EPX: variants seen among roughly 807,000 people sequenced by gnomAD.
EPX encodes the protein eosinophil peroxidase.
EPX carries 60 observed loss-of-function variants against 73.0 expected under a neutral mutation model. That is an observed-to-expected ratio of 0.82 (90% confidence interval 0.67 to 1.02). The LOEUF (loss-of-function observed/expected upper bound fraction) is 1.02, where lower values mean the gene tolerates loss of function less well. Among genes scored for constraint, EPX ranks in the 50% least tolerant of loss-of-function variants. The probability of loss-of-function intolerance (pLI) is 0.00; values close to 1 mark genes in which losing one functional copy is unlikely to be tolerated. For missense variants in EPX, 950 were observed against 973.9 expected (o/e 0.98, Z 0.33); for synonymous variants, 347 against 389.2 (o/e 0.89, Z 1.28).
chr17:58,193,472 A>G lies in EPX; in HGVS notation c.272A>G (p.Asp91Gly), dbSNP rs760826237. 1.6e-5 allele frequency: 26 copies of G among 1,614,054 alleles called. No homozygotes were observed. The East Asian group carries it at 4.9e-4, about 30-fold the overall frequency. Residue 91 changes from aspartate (D) to glycine (G), a missense_variant, in exon 3 of 13, where the codon GAT (aspartate) becomes GGT (glycine). Transcript: ENST00000225371. ...AATRTVVRAADYMHVALGLLE... is the reference protein window; with the variant it reads ...AATRTVVRAAGYMHVALGLLE... ...ACCAGGACAGTTGTTCGGGCCGCAG[A>G]TTATATGCATGTGGCTTTGGGGCTG...
At position 58,196,880 on chromosome 17, in the gene EPX, G is replaced by A. The variant is rs951502004; in HGVS notation, c.802-59G>A. The stretch of plus-strand genomic sequence containing the variant: ...GGTTTTGAGGAGGTGGAAGATGACG[G>A]AGAGGAGTGAGTCTGCTATTGAGGG... On this transcript the variant is annotated intron_variant, in intron 6 of 12. Coordinates refer to ENST00000225371, the MANE Select transcript of EPX (RefSeq NM_000502.6). 21 of 1,307,246 alleles carry A rather than the reference G, an allele frequency of 1.6e-5. No individual in the cohort carries two copies. In the African/African-American group the frequency reaches 2.6e-4, roughly 16 times the overall value. The allele number at this position is 1,307,246 out of a possible 1,614,324, so 81.0% of individuals were successfully genotyped here. A position where few individuals can be genotyped will look rare whatever the true frequency, so the allele number is the denominator to read the frequency against.
chr17:58,202,732 G>T, intron 10 of EPX: 1 of 314,796 alleles, frequency 3.2e-6, no homozygotes, highest in South Asian at 3.5e-5. Context: ...CTGATGGAGA[G>T]TCTTTTATAT....
chr17:58,203,273 C>G lies in EPX; in HGVS notation c.1901C>G (p.Ala634Gly). Residue 634 changes from alanine (A) to glycine (G), a missense_variant, in exon 11 of 13, where the codon GCT (alanine) becomes GGT (glycine). Physicochemically the swap from Ala to Gly is moderately conservative, Grantham distance 60. Coordinates refer to ENST00000225371, the MANE Select transcript of EPX (RefSeq NM_000502.6). Reference sequence around the variant, plus strand: ...GGGGCTCGAGTGGGGCCTCTTCTGGCTTGTCTGTTCGAGAACCAGTTCAGA... The same window carrying G: ...GGGGCTCGAGTGGGGCCTCTTCTGGGTTGTCTGTTCGAGAACCAGTTCAGA... ...LPGARVGPLL[A>G]CLFENQFRRA... 6.2e-7 allele frequency: 1 copy of G among 1,614,194 alleles called. No individual in the cohort carries two copies. The highest frequency in any genetic ancestry group is 8.5e-7 in the Non-Finnish European group (1 of 1,180,022).
chr17:58,199,427 G>A (rs1047656384), intron 8 of EPX, 112 bp from the exon 9 acceptor site: 136 of 1,305,264 alleles, frequency 1.0e-4, no homozygotes, highest in Non-Finnish European at 1.4e-4. Flanking sequence ...GTAAATTAAT[G>A]TTGTCACATT....
rs531762111 is a variant in EPX at position 58,197,108 on chromosome 17, G to A, written c.971G>A (p.Arg324Gln). The change falls in exon 7 of 13, where the codon CGG becomes CAG. Residue 324 changes from arginine (R) to glutamine (Q), a missense_variant. Transcript: ENST00000225371. Reference protein sequence around the residue: ...VYGSEVSLSLRLRNRTNYLGL... With the variant: ...VYGSEVSLSLQLRNRTNYLGL... ...GGCAGTGAGGTCTCCCTCTCGCTGC[G>A]GCTCCGCAACCGGACCAACTACCTG... 2.6e-5 allele frequency: 42 copies of A among 1,614,184 alleles called. No homozygotes were observed. Among genetic ancestry groups the A allele is most frequent in the Admixed American group, 2.3e-4 (14 of 60,016 alleles).
intron 6 of EPX, among the ~76,000 whole-genome samples, chr17:58,196,540 C>T (rs1010591478): frequency 1.3e-5 from 2 of 152,142 alleles, no homozygotes; most frequent in East Asian, 1.9e-4. Context: ...CCTTCATAAT[C>T]TCCAAAGCAG....
chr17:58,197,013 C>A lies in EPX; in HGVS notation c.876C>A (p.Pro292=), dbSNP rs776405322. The stretch of plus-strand genomic sequence containing the variant: ...TCTTCCGCTCGGCACCCTCATGCCC[C>A]CAAAACAAGAACAGAGTCCGCAACC... ...IPFFRSAPSC[P]QNKNRVRNQI... The change falls in exon 7 of 13, where the codon CCC becomes CCA. Residue 292 remains proline, a synonymous_variant. Coordinates refer to ENST00000225371, the MANE Select transcript of EPX (RefSeq NM_000502.6). The A allele has an allele frequency of 1.2e-5, 20 of 1,614,036 alleles. No individual in the cohort carries two copies. In the East Asian group the frequency reaches 4.5e-4, roughly 36 times the overall value.
chr17:58,199,515 T>C (rs1968308643), intron 8 of EPX, 24 bp from the exon 9 acceptor site: 3 of 1,613,770 alleles, frequency 1.9e-6, no homozygotes, highest in South Asian at 2.2e-5. Context: ...CTCTGGGGAA[T>C]GTTCCTCCTG....
intron 10 of EPX, among the ~76,000 whole-genome samples, chr17:58,200,768 G>C (rs1455502781): frequency 6.6e-6 from 1 of 152,228 alleles, no homozygotes; most frequent in East Asian, 1.9e-4. Context: ...TAAAATTCCA[G>C]AGCTACAGAA....
intron 5 of EPX, 64 bp downstream of exon 5, chr17:58,194,156 C>T: frequency 1.9e-6 from 3 of 1,547,914 alleles, no homozygotes; most frequent in Non-Finnish European, 2.7e-6. Flanking sequence ...TAAAACACAG[C>T]CCAGAGTCAC....
chr17:58,200,409 C>G lies in EPX; in HGVS notation c.1708+14C>G, dbSNP rs376617510. 17 of 1,613,490 alleles carry G rather than the reference C, an allele frequency of 1.1e-5. No homozygotes were observed. The African/African-American group carries it at 1.6e-4, about 15-fold the overall frequency. ...ACGGCCTTCCAGGTGAGGGGGCTGT[C>G]CACCTCTTCTCCCAGCTTTGCTCGG... On this transcript the variant is annotated intron_variant, in intron 10 of 12. Coordinates refer to ENST00000225371, the MANE Select transcript of EPX (RefSeq NM_000502.6).
intron 12 of EPX, 45 bp downstream of exon 12, chr17:58,204,479 C>T: frequency 8.3e-7 from 1 of 1,202,150 alleles, no homozygotes; most frequent in Non-Finnish European, 1.2e-6. Context: ...GTTAAGCCCT[C>T]ACATCCTTCC....
intron 12 of EPX, 81 bp from the exon 13 acceptor site, chr17:58,204,655 T>C (rs1323624481): frequency 1.7e-6 from 1 of 573,514 alleles, no homozygotes; most frequent in East Asian, 2.9e-5. Flanking sequence ...TATCCTCAGC[T>C]TGGTCACTAA....
At position 58,194,944 on chromosome 17, in the gene EPX, T is replaced by C. The variant is rs779569442; in HGVS notation, c.595-20T>C. The C allele has an allele frequency of 1.9e-6, 3 of 1,602,194 alleles. No individual in the cohort carries two copies. Among genetic ancestry groups the C allele is most frequent in the East Asian group, 4.5e-5 (2 of 44,798 alleles). Reference sequence around the variant, plus strand: ...GGGTCAGGGAGCCCATGTCCCGTGCTGATGTTATTTCCCCACCAGGTCCGG... The same window carrying C: ...GGGTCAGGGAGCCCATGTCCCGTGCCGATGTTATTTCCCCACCAGGTCCGG... On this transcript the variant is annotated intron_variant, in intron 5 of 12. Coordinates refer to ENST00000225371, the MANE Select transcript of EPX (RefSeq NM_000502.6).
At chr17:58,192,946 G>A in intron 1 of EPX, 24 bp downstream of exon 1, 2 of 1,610,620 alleles carry the variant, frequency 1.2e-6, no homozygotes, top group Non-Finnish European at 8.5e-7. Context: ...AGACAGGCAA[G>A]GAGGAGGGAG....
chr17:58,200,810 G>A (rs750631795), intron 10 of EPX, among the ~76,000 whole-genome samples: 6 of 152,240 alleles, frequency 3.9e-5, no homozygotes, highest in African/African-American at 7.2e-5. Context: ...GAAAGGCAAA[G>A]AGCCTTAGAG....
At chr17:58,195,646 C>T (rs994322530) in intron 6 of EPX, among the ~76,000 whole-genome samples, 3 of 152,130 alleles carry the variant, frequency 2.0e-5, no homozygotes, top group African/African-American at 7.2e-5. Flanking sequence ...ATCCAGGGAG[C>T]AGAGTCTCTG....
intron 6 of EPX, among the ~76,000 whole-genome samples, chr17:58,196,195 C>T (rs1011102118): frequency 6.6e-6 from 1 of 152,072 alleles, no homozygotes; most frequent in African/African-American, 2.4e-5. Flanking sequence ...GCAACCTCTG[C>T]CTCCTGGGTT....
intron 10 of EPX, among the ~76,000 whole-genome samples, chr17:58,200,906 T>G (rs140540726): frequency 2.0e-5 from 3 of 152,224 alleles, no homozygotes; most frequent in Non-Finnish European, 2.9e-5. Context: ...GAAGAAAATA[T>G]AGGCACTTTG....
Sources: gnomAD v4.1 joint callset for allele counts (sites outside exome capture counted in the v4.1 genomes callset) on GRCh38, gnomAD v4.1.1 for gene constraint, MANE v1.5 for transcripts, NCBI Gene and HGNC (gene_info 2026-07-23, HGNC 2026-07-21) for gene names.